SYT14: variants seen among roughly 807,000 people sequenced by gnomAD.
SYT14 encodes synaptotagmin-14.
A neutral mutation model predicts 74.2 loss-of-function variants in SYT14; 32 were observed. That is an observed-to-expected ratio of 0.43 (90% CI 0.33 to 0.58). The LOEUF is 0.58. Among genes scored for constraint, SYT14 ranks in the 20% least tolerant of loss-of-function variants. The pLI is 0.05. For synonymous variants in SYT14, 298 were observed against 337.7 expected (o/e 0.88, Z 1.29); for missense variants, 791 against 981.8 (o/e 0.81, Z 2.60).
intron 7 of SYT14, among the ~76,000 whole-genome samples, chr1:210,138,625 A>G (rs1451186996): frequency 6.6e-6 from 1 of 152,214 alleles, no homozygotes; most frequent in Non-Finnish European, 1.5e-5. Context: ...TGCCAAAAAA[A>G]TTCTATTAAT....
At chr1:209,952,665 G>A (rs1251796332) in intron 1 of SYT14, 44 bp from the exon 2 acceptor site, 1 of 1,503,356 alleles carries the variant, frequency 6.7e-7, no homozygotes, top group South Asian at 1.1e-5. Context: ...TCAGATTCAT[G>A]CTACTTTCTA....
chr1:209,938,483 G>A (rs1156930662), intron 1 of SYT14, among the ~76,000 whole-genome samples: 5 of 151,816 alleles, frequency 3.3e-5, no homozygotes, highest in Admixed American at 3.3e-4. Flanking sequence ...TGGCTCGCTC[G>A]CCCCGGCCTT....
chr1:210,078,930 CT>C (rs2081566492), intron 5 of SYT14, among the ~76,000 whole-genome samples: 1 of 150,742 alleles, frequency 6.6e-6, no homozygotes, highest in South Asian at 2.1e-4. Flanking sequence ...TTTTTTCAAT[CT>C]TTTTGTAGAA....
At chr1:210,050,625 G>A (rs1188143386) in intron 5 of SYT14, among the ~76,000 whole-genome samples, 2 of 152,146 alleles carry the variant, frequency 1.3e-5, no homozygotes, top group South Asian at 4.1e-4. Context: ...AAAGAAAGAG[G>A]TTTATTGGAC....
chr1:210,059,451 T>TAGAGAGAGAGAG lies in SYT14; in HGVS notation c.1313-34845_1313-34834dup, dbSNP rs1553272603. On this transcript the variant is annotated intron_variant, in intron 5 of 9. Coordinates refer to ENST00000637265, the Ensembl canonical transcript of SYT14. The stretch of plus-strand genomic sequence containing the variant: ...GAATATATATATATATATATATATA[T>TAGAGAGAGAGAG]AGAGAGAGAGAGAGAGAGAGAGAGA... 2.5e-3 allele frequency among the ~76,000 whole-genome samples: 172 copies of TAGAGAGAGAGAG among 69,894 alleles called. 1 individual carries two copies. Among genetic ancestry groups the TAGAGAGAGAGAG allele is most frequent in the African/African-American group, 7.1e-3 (90 of 12,738 alleles). 45.9% of individuals were successfully genotyped at this position (69,894 alleles called of 152,430 possible). A position where few individuals can be genotyped will look rare whatever the true frequency, so the allele number is the denominator to read the frequency against.
chr1:209,983,621 T>G (rs562780581), intron 2 of SYT14, among the ~76,000 whole-genome samples: 13 of 152,116 alleles, frequency 8.5e-5, no homozygotes, highest in Non-Finnish European at 1.3e-4. Flanking sequence ...GTGTGTGTGT[T>G]TTTTCTGTCC....
intron 2 of SYT14, among the ~76,000 whole-genome samples, chr1:210,012,764 C>A (rs557255380): frequency 6.6e-6 from 1 of 150,844 alleles, no homozygotes; most frequent in African/African-American, 2.4e-5. Context: ...TGCAGTGGCG[C>A]GATCTCGGCT....
At chr1:210,149,421 G>A (rs2083114096) in intron 7 of SYT14, among the ~76,000 whole-genome samples, 1 of 152,010 alleles carries the variant, frequency 6.6e-6, no homozygotes, top group Non-Finnish European at 1.5e-5. Flanking sequence ...GTGGCCTCAA[G>A]TGATCTGCCT....
At chr1:210,037,095 G>T (rs1412590308) in intron 5 of SYT14, among the ~76,000 whole-genome samples, 1 of 151,522 alleles carries the variant, frequency 6.6e-6, no homozygotes, top group Non-Finnish European at 1.5e-5. Context: ...GTTATTATTT[G>T]TTCAGTCTCA....
intron 7 of SYT14, among the ~76,000 whole-genome samples, chr1:210,136,553 A>G (rs771662122): frequency 1.7e-4 from 26 of 152,184 alleles, no homozygotes; most frequent in South Asian, 4.1e-4. Context: ...GCGTTTTGGC[A>G]GCTTGGAATG....
chr1:210,039,713 G>T (rs1165947849), intron 5 of SYT14, among the ~76,000 whole-genome samples: 1 of 152,056 alleles, frequency 6.6e-6, no homozygotes, highest in Non-Finnish European at 1.5e-5. Flanking sequence ...TCGAAAACTG[G>T]GTGAAGGATA....
chr1:210,168,523 G>A (rs751653463), exon 10 of SYT14: 45 of 152,058 alleles, frequency 3.0e-4, no homozygotes, highest in Non-Finnish European at 5.7e-4. Flanking sequence ...TGAATTAATA[G>A]ATAAAATATA....
chr1:210,143,311 A>G (rs916769038), intron 7 of SYT14, among the ~76,000 whole-genome samples: 3 of 152,230 alleles, frequency 2.0e-5, no homozygotes, highest in Non-Finnish European at 4.4e-5. Flanking sequence ...CGGTGAAAGA[A>G]TCAGGGAAAT....
chr1:210,037,413 CT>C (rs1224561885), intron 5 of SYT14, among the ~76,000 whole-genome samples: 1 of 151,480 alleles, frequency 6.6e-6, no homozygotes, highest in Non-Finnish European at 1.5e-5. Flanking sequence ...ATTTTTTGGT[CT>C]CAATTTTATT....
At chr1:210,053,049 C>G (rs2081032254) in intron 5 of SYT14, among the ~76,000 whole-genome samples, 1 of 151,988 alleles carries the variant, frequency 6.6e-6, no homozygotes. Context: ...AGGACAAAGC[C>G]CAGATCAAAG....
chr1:209,986,621 A>G (rs2079574715), intron 2 of SYT14, among the ~76,000 whole-genome samples: 1 of 152,048 alleles, frequency 6.6e-6, no homozygotes, highest in African/African-American at 2.4e-5. Flanking sequence ...TCAAAAAAAA[A>G]AAAAATTTCT....
chr1:210,077,758 A>G (rs962122854), intron 5 of SYT14, among the ~76,000 whole-genome samples: 11 of 152,250 alleles, frequency 7.2e-5, no homozygotes, highest in African/African-American at 2.2e-4. Flanking sequence ...ACTATTGTCT[A>G]TATTCTTATC....
intron 2 of SYT14, among the ~76,000 whole-genome samples, chr1:210,002,572 C>T (rs2079920589): frequency 6.6e-6 from 1 of 151,738 alleles, no homozygotes; most frequent in South Asian, 2.1e-4. Context: ...TTTTTATCGT[C>T]TGAAAGATTT....
chr1:209,940,805 G>T (rs1337138099), intron 1 of SYT14, among the ~76,000 whole-genome samples: 1 of 152,112 alleles, frequency 6.6e-6, no homozygotes, highest in Non-Finnish European at 1.5e-5. Context: ...ATCTGTAGTT[G>T]TATGTTTTAA....
Sources: gnomAD v4.1 joint callset for allele counts (sites outside exome capture counted in the v4.1 genomes callset) on GRCh38, gnomAD v4.1.1 for gene constraint, MANE v1.5 for transcripts, NCBI Gene and HGNC (gene_info 2026-07-23, HGNC 2026-07-21) for gene names.